The following MERTK variants were observed in gnomAD, a reference collection of about 807,000 sequenced individuals.
The protein encoded by MERTK is MER proto-oncogene, tyrosine kinase.
Under a neutral mutation model 99.3 loss-of-function variants are expected in MERTK, and 69 were observed. That is an observed-to-expected ratio of 0.70 (90% CI 0.57 to 0.85). The LOEUF (loss-of-function observed/expected upper bound fraction) is 0.85, where lower values mean the gene tolerates loss of function less well. Ranked by LOEUF, MERTK falls within the 40% of genes least tolerant of loss-of-function variation. MERTK has a pLI of 0.00. For missense variants in MERTK, 1,125 were observed against 1,249.4 expected, an observed-to-expected ratio of 0.90 and a Z score of 1.50; for synonymous variants, 426 against 467.6, an observed-to-expected ratio of 0.91 and a Z score of 1.15.
chr2:111,993,968 C>T (rs2104398636), intron 8 of MERTK, among the ~76,000 whole-genome samples: 1 of 152,316 alleles, frequency 6.6e-6, no homozygotes, highest in African/African-American at 2.4e-5. Flanking sequence ...GGTGCATCTG[C>T]TACGTGCTCC....
At chr2:112,003,755 G>A (rs1190545091) in intron 12 of MERTK, 149 bp from the exon 13 acceptor site, 8 of 717,218 alleles carry the variant, frequency 1.1e-5, no homozygotes, top group Middle Eastern at 2.6e-4. Flanking sequence ...CCTGGTTTGC[G>A]ATGTGGGTGG....
At chr2:112,024,920 A>T (rs1365152137) in intron 18 of MERTK, 1 of 154,444 alleles carries the variant, frequency 6.5e-6, no homozygotes, top group East Asian at 1.9e-4. Context: ...ACAGAGCAAG[A>T]TCCTGTCTCA....
At chr2:111,926,594 G>A (rs1278566580) in intron 1 of MERTK, among the ~76,000 whole-genome samples, 5 of 150,336 alleles carry the variant, frequency 3.3e-5, no homozygotes, top group Non-Finnish European at 6.0e-5. Context: ...GGGCATGGTG[G>A]CGCGCACCTG....
At chr2:111,946,343 T>C (rs1684961646) in intron 3 of MERTK, among the ~76,000 whole-genome samples, 1 of 152,208 alleles carries the variant, frequency 6.6e-6, no homozygotes, top group Non-Finnish European at 1.5e-5. Context: ...CAAAAAAACC[T>C]TGAAACAGGA....
intron 1 of MERTK, among the ~76,000 whole-genome samples, chr2:111,925,992 C>T (rs1015006008): frequency 2.6e-5 from 4 of 151,706 alleles, no homozygotes; most frequent in African/African-American, 9.7e-5. Flanking sequence ...CCACCATGCC[C>T]GGCTAATTTT....
chr2:111,925,931 C>T (rs541810050), intron 1 of MERTK, among the ~76,000 whole-genome samples: 320 of 151,362 alleles, frequency 2.1e-3, no homozygotes, highest in Non-Finnish European at 2.9e-3. Flanking sequence ...CTCCCGGGTT[C>T]TGCCATTCTC....
intron 8 of MERTK, 51 bp from the exon 9 acceptor site, chr2:111,994,200 G>A: frequency 2.5e-6 from 4 of 1,609,062 alleles, no homozygotes; most frequent in Non-Finnish European, 2.5e-6. Flanking sequence ...TGCACCTGCA[G>A]TTTGCCCAGA....
Position 111,964,398 on chromosome 2 carries a change from T to TGTGTGCGC in MERTK, c.758-792_758-791insTGTGCGCG, listed in dbSNP as rs771063715. Among the ~76,000 whole-genome samples, 70 of 81,136 alleles carry TGTGTGCGC rather than the reference T, an allele frequency of 8.6e-4. 1 individual carries two copies. The highest frequency in any genetic ancestry group is 7.6e-3 in the Middle Eastern group (1 of 132). The allele number at this position is 81,136 out of a possible 152,430, so 53.2% of individuals were successfully genotyped here. A position where few individuals can be genotyped will look rare whatever the true frequency, so the allele number is the denominator to read the frequency against. ...GTGTGTGTGTGTGTGTGTGTGTGTG[T>TGTGTGCGC]GCGCGCGCGCACGCGCATGTGTGTG... On this transcript the variant is annotated intron_variant, in intron 4 of 18. Coordinates refer to ENST00000295408, the MANE Select transcript of MERTK (RefSeq NM_006343.3).
chr2:112,025,609 A>G (rs1223771174), intron 18 of MERTK, among the ~76,000 whole-genome samples: 3 of 152,188 alleles, frequency 2.0e-5, no homozygotes, highest in Non-Finnish European at 4.4e-5. Context: ...GCTGAGTGGC[A>G]GAGCTGGGTA....
intron 3 of MERTK, 94 bp from the exon 4 acceptor site, chr2:111,947,300 T>TA: frequency 3.2e-6 from 2 of 623,582 alleles, no homozygotes; most frequent in Non-Finnish European, 5.6e-6. Flanking sequence ...AAAAGAAATC[T>TA]ATTGCCAAGT....
intron 1 of MERTK, among the ~76,000 whole-genome samples, chr2:111,924,307 C>T (rs943061311): frequency 6.6e-6 from 1 of 152,206 alleles, no homozygotes; most frequent in Admixed American, 6.5e-5. Context: ...CCCCACTTTC[C>T]CTGTGAGCAA....
chr2:111,998,459 G>A (rs528943280), intron 10 of MERTK, among the ~76,000 whole-genome samples: 132 of 152,280 alleles, frequency 8.7e-4, no homozygotes, highest in African/African-American at 3.0e-3. Flanking sequence ...ATACAGTGGT[G>A]AACAAAATCC....
chr2:111,944,522 T>A (rs1684924904), intron 2 of MERTK, among the ~76,000 whole-genome samples: 6 of 152,428 alleles, frequency 3.9e-5, no homozygotes, highest in Non-Finnish European at 7.3e-5. Flanking sequence ...ATTCCTCTGT[T>A]TTAAGGAATT....
intron 1 of MERTK, among the ~76,000 whole-genome samples, chr2:111,923,959 C>T (rs1362684045): frequency 6.6e-6 from 1 of 151,926 alleles, no homozygotes; most frequent in African/African-American, 2.4e-5. Flanking sequence ...TTTTTTTCTT[C>T]ACATTTTGTA....
At position 111,929,589 on chromosome 2, in the gene MERTK, T is replaced by TATTTATTTATTC. The variant is rs1254728960; in HGVS notation, c.482+58_482+59insTTCATTTATTTA. 2.3e-6 allele frequency: 3 copies of TATTTATTTATTC among 1,277,766 alleles called. No homozygotes were observed. In the African/African-American group the frequency reaches 4.5e-5, roughly 19 times the overall value. 79.2% of individuals were successfully genotyped at this position (1,277,766 alleles called of 1,614,324 possible). ...TATTTTTTTAGTTTTAATATTTATT[T>TATTTATTTATTC]ATTTATTTACTTATTGAGACAGAGT... On this transcript the variant is annotated intron_variant, in intron 2 of 18. Coordinates refer to ENST00000295408, the MANE Select transcript of MERTK (RefSeq NM_006343.3).
chr2:111,969,369 T>A (rs1278055579), intron 6 of MERTK, among the ~76,000 whole-genome samples: 1 of 152,170 alleles, frequency 6.6e-6, no homozygotes, highest in Non-Finnish European at 1.5e-5. Context: ...TGGGAGCAGG[T>A]TACCGAACAT....
chr2:111,963,566 TA>T (rs1019425187), intron 4 of MERTK, among the ~76,000 whole-genome samples: 1 of 150,324 alleles, frequency 6.7e-6, no homozygotes, highest in East Asian at 1.9e-4. Context: ...TGATGACTCT[TA>T]ACGAGCATGC....
Position 111,975,478 on chromosome 2 carries a change from TC to T in MERTK, c.1144+8del. ...AGCCAGCACGACTGAAGGAGGTAATTCCTGGGGTTCAGAATGTATATTGCCC... is the reference window on the plus strand; with the variant it reads ...AGCCAGCACGACTGAAGGAGGTAATTCTGGGGTTCAGAATGTATATTGCCC... On this transcript the variant is annotated splice_region_variant and intron_variant, in intron 7 of 18. Coordinates refer to ENST00000295408, the MANE Select transcript of MERTK (RefSeq NM_006343.3). The T allele has an allele frequency of 1.2e-6, 2 of 1,613,894 alleles. No individual in the cohort carries two copies. Among genetic ancestry groups the T allele is most frequent in the Non-Finnish European group, 1.7e-6 (2 of 1,179,786 alleles).
At chr2:112,006,630 T>C (rs1171077624) in intron 13 of MERTK, among the ~76,000 whole-genome samples, 2 of 152,138 alleles carry the variant, frequency 1.3e-5, no homozygotes, top group Admixed American at 6.5e-5. Context: ...TTAATTTCAT[T>C]AGGGTAAATT....
Sources: allele counts gnomAD v4.1 joint callset (sites outside exome capture counted in the v4.1 genomes callset), GRCh38; gene constraint gnomAD v4.1.1; transcripts MANE v1.5; gene names NCBI Gene and HGNC (gene_info 2026-07-23, HGNC 2026-07-21).